Variants in NMNAT1 observed in about 807,000 individuals in gnomAD.
NMNAT1 encodes the protein nicotinamide nucleotide adenylyltransferase 1.
NMNAT1 carries 11 observed loss-of-function variants against 16.7 expected under a neutral mutation model. The ratio of observed to expected loss-of-function variants is 0.66; its 90% CI spans 0.41 to 1.09. The LOEUF is 1.09. NMNAT1 is among the 50% of genes least tolerant of loss of function. The pLI is 0.00. For missense variants in NMNAT1, 280 were observed against 332.3 expected, an observed-to-expected ratio of 0.84 and a Z score of 1.22; for synonymous variants, 110 against 119.8, an observed-to-expected ratio of 0.92 and a Z score of 0.53.
chr1:9,972,294 A>C (rs1243282824), intron 2 of NMNAT1, 106 bp downstream of exon 2: 1 of 684,314 alleles, frequency 1.5e-6, no homozygotes. Context: ...GCAGATCACA[A>C]GGTCAAGAGA....
intron 3 of NMNAT1, among the ~76,000 whole-genome samples, chr1:9,979,203 C>G (rs1641879202): frequency 1.3e-5 from 2 of 152,144 alleles, no homozygotes; most frequent in South Asian, 2.1e-4. Context: ...CATGGTGGCT[C>G]ACATCTATAG....
chr1:9,969,955 G>T (rs11806801), intron 1 of NMNAT1, among the ~76,000 whole-genome samples: 1 of 152,030 alleles, frequency 6.6e-6, no homozygotes, highest in Non-Finnish European at 1.5e-5. Context: ...AGAACACTGC[G>T]GACAAAGAGA....
chr1:9,992,413 C>T, the NMNAT1 span, among the ~76,000 whole-genome samples: 2 of 152,076 alleles, frequency 1.3e-5, no homozygotes, highest in Admixed American at 1.3e-4. Flanking sequence ...ATTACCTCTA[C>T]CTAGTTGACG....
At chr1:9,979,994 C>T (rs753700758) in intron 3 of NMNAT1, among the ~76,000 whole-genome samples, 2 of 151,104 alleles carry the variant, frequency 1.3e-5, no homozygotes, top group Admixed American at 6.6e-5. Context: ...TGCAATAGCG[C>T]AATCATGGCT....
chr1:9,953,844 T>A (rs2101648609), intron 1 of NMNAT1, among the ~76,000 whole-genome samples: 1 of 129,886 alleles, frequency 7.7e-6, no homozygotes, highest in Non-Finnish European at 1.6e-5. Context: ...CTTGCTCTCT[T>A]GCCCAGGCTG....
At chr1:9,978,952 C>T (rs1053193997) in intron 3 of NMNAT1, among the ~76,000 whole-genome samples, 26 of 152,170 alleles carry the variant, frequency 1.7e-4, no homozygotes, top group African/African-American at 6.3e-4. Flanking sequence ...CCACACTCTT[C>T]CATGGTCAAG....
the NMNAT1 span, among the ~76,000 whole-genome samples, chr1:9,993,909 G>T: frequency 6.6e-6 from 1 of 152,082 alleles, no homozygotes; most frequent in African/African-American, 2.4e-5. Flanking sequence ...GGAGGCGAGA[G>T]GTGGCACTGA....
At chr1:9,961,450 G>C (rs1641404258) in intron 1 of NMNAT1, among the ~76,000 whole-genome samples, 2 of 152,300 alleles carry the variant, frequency 1.3e-5, no homozygotes, top group South Asian at 2.1e-4. Context: ...GTGGCTGGTG[G>C]ATACCCTGAT....
intron 3 of NMNAT1, among the ~76,000 whole-genome samples, chr1:9,976,912 CTT>C (rs201689546): frequency 7.1e-6 from 1 of 141,500 alleles, no homozygotes. Flanking sequence ...CTTTTCTTTT[CTT>C]TTTTTTTTTG....
chr1:9,969,417 A>T (rs534797776), intron 1 of NMNAT1, among the ~76,000 whole-genome samples: 1 of 152,266 alleles, frequency 6.6e-6, no homozygotes, highest in South Asian at 2.1e-4. Context: ...AGGAAATTAG[A>T]GCATGAAGGC....
At chr1:9,987,522 C>A (rs1255755638), downstream of NMNAT1, among the ~76,000 whole-genome samples, 1 of 148,442 alleles carries the variant, frequency 6.7e-6, no homozygotes, top group Non-Finnish European at 1.5e-5. Context: ...TGCCTATAGT[C>A]CCAGCTACTT....
chr1:9,964,344 C>A (rs1448562096), intron 1 of NMNAT1, among the ~76,000 whole-genome samples: 1 of 151,322 alleles, frequency 6.6e-6, no homozygotes, highest in Non-Finnish European at 1.5e-5. Context: ...GGAAGCAGAG[C>A]CTGGGCAACA....
At chr1:9,952,159 G>A (rs1258202677) in intron 1 of NMNAT1, among the ~76,000 whole-genome samples, 3 of 151,972 alleles carry the variant, frequency 2.0e-5, no homozygotes, top group Non-Finnish European at 2.9e-5. Flanking sequence ...AAAATTAGCC[G>A]GGCATGGTGG....
chr1:9,946,254 C>T lies in NMNAT1; in HGVS notation c.-57+2739C>T, dbSNP rs1453779635. Among the ~76,000 whole-genome samples the T allele has an allele frequency of 2.0e-5, 3 of 152,104 alleles. No individual in the cohort carries two copies. In the East Asian group the frequency reaches 5.8e-4, roughly 29 times the overall value. On this transcript the variant is annotated intron_variant, in intron 1 of 4. Coordinates refer to ENST00000377205, the MANE Select transcript of NMNAT1 (RefSeq NM_022787.4). ...ATGGATAATGAAAACATTTCTAATG[C>T]ATAAGAGAAATGCATTCTGAAACAA...
At chr1:9,987,461 G>A (rs150233209), downstream of NMNAT1, among the ~76,000 whole-genome samples, 7,669 of 151,206 alleles carry the variant, frequency 0.051, 249 homozygotes, top group Middle Eastern at 0.15. Flanking sequence ...TAACACAGTG[G>A]AACCCCGTCT....
chr1:9,958,443 GTTT>G (rs766788344), intron 1 of NMNAT1, among the ~76,000 whole-genome samples: 1 of 139,650 alleles, frequency 7.2e-6, no homozygotes, highest in Non-Finnish European at 1.6e-5. Flanking sequence ...GTTTTGTTTT[GTTT>G]TTTTTTTTTT....
intron 1 of NMNAT1, among the ~76,000 whole-genome samples, chr1:9,959,994 C>T (rs1012181206): frequency 6.6e-6 from 1 of 152,130 alleles, no homozygotes; most frequent in African/African-American, 2.4e-5. Flanking sequence ...AGGTGTAAAT[C>T]CTGAGAGGTG....
intron 1 of NMNAT1, among the ~76,000 whole-genome samples, chr1:9,965,730 C>T (rs78008808): frequency 0.059 from 8,904 of 152,082 alleles, 348 homozygotes; most frequent in South Asian, 0.12. Context: ...AGTCCAAGCA[C>T]AGTAGCTCAT....
At chr1:9,949,454 G>C (rs1306828040) in intron 1 of NMNAT1, among the ~76,000 whole-genome samples, 1 of 121,766 alleles carries the variant, frequency 8.2e-6, no homozygotes, top group Non-Finnish European at 1.6e-5. Context: ...CTGTCACCCA[G>C]GCTGGAGTGC....
Sources: allele counts gnomAD v4.1 joint callset (sites outside exome capture counted in the v4.1 genomes callset), GRCh38; gene constraint gnomAD v4.1.1; transcripts MANE v1.5; gene names NCBI Gene and HGNC (gene_info 2026-07-23, HGNC 2026-07-21).